Variants in GABRB2 observed in about 807,000 individuals in gnomAD.
GABRB2 encodes gamma-aminobutyric acid receptor subunit beta-2.
GABRB2 carries 16 observed loss-of-function variants against 54.7 expected under a neutral mutation model. That is an observed-to-expected ratio of 0.29 (90% CI 0.20 to 0.44). GABRB2 has a LOEUF of 0.44. Ranked by LOEUF, GABRB2 falls within the 20% of genes least tolerant of loss-of-function variation. GABRB2 has a pLI of 1.00. For missense variants in GABRB2, 355 were observed against 644.0 expected, an observed-to-expected ratio of 0.55 and a Z score of 4.86; for synonymous variants, 244 against 233.8, an observed-to-expected ratio of 1.04 and a Z score of -0.40.
At chr5:161,513,398 G>A (rs547236819) in intron 3 of GABRB2, among the ~76,000 whole-genome samples, 17 of 151,802 alleles carry the variant, frequency 1.1e-4, no homozygotes, top group South Asian at 8.3e-4. Context: ...CATCAACAGC[G>A]GATTCATAAA....
chr5:161,489,612 T>C (rs1194822514), intron 3 of GABRB2, among the ~76,000 whole-genome samples: 2 of 151,630 alleles, frequency 1.3e-5, no homozygotes, highest in Non-Finnish European at 1.5e-5. Context: ...CAGGCTACAT[T>C]GATAAAGGTA....
intron 4 of GABRB2, among the ~76,000 whole-genome samples, chr5:161,449,117 C>T (rs1485473300): frequency 6.6e-6 from 1 of 152,128 alleles, no homozygotes; most frequent in Non-Finnish European, 1.5e-5. Flanking sequence ...TCTCAAGAGT[C>T]TTTTGCATTC....
chr5:161,431,286 T>C (rs1344291524), intron 4 of GABRB2, among the ~76,000 whole-genome samples: 1 of 152,136 alleles, frequency 6.6e-6, no homozygotes, highest in Non-Finnish European at 1.5e-5. Context: ...CTAACCACTC[T>C]TATCATCATT....
At chr5:161,483,565 A>G (rs917615922) in intron 3 of GABRB2, among the ~76,000 whole-genome samples, 4 of 151,964 alleles carry the variant, frequency 2.6e-5, no homozygotes, top group African/African-American at 9.7e-5. Context: ...CAGAATTTAC[A>G]TGAATAACTC....
chr5:161,441,608 T>C (rs933512280), intron 4 of GABRB2, among the ~76,000 whole-genome samples: 7 of 152,314 alleles, frequency 4.6e-5, no homozygotes, highest in Admixed American at 2.0e-4. Context: ...GCTGGGTATA[T>C]ACGCAAAGGA....
intron 5 of GABRB2, among the ~76,000 whole-genome samples, chr5:161,357,373 C>A (rs2113445460): frequency 6.6e-6 from 1 of 152,254 alleles, no homozygotes; most frequent in Middle Eastern, 3.4e-3. Context: ...AGAAATCCAG[C>A]ATGGCTGGAA....
intron 4 of GABRB2, among the ~76,000 whole-genome samples, chr5:161,450,684 G>A (rs537462697): frequency 7.2e-5 from 11 of 152,192 alleles, no homozygotes; most frequent in Admixed American, 5.2e-4. Flanking sequence ...ATTACTTCCC[G>A]CTCTGAGCCT....
intron 8 of GABRB2, 76 bp downstream of exon 8, chr5:161,330,807 A>C (rs1226195617): frequency 1.3e-6 from 2 of 1,588,090 alleles, no homozygotes; most frequent in South Asian, 2.3e-5. Context: ...CATTTGCTCA[A>C]CAAGGTCATC....
chr5:161,470,447 A>G (rs887088598), intron 3 of GABRB2, among the ~76,000 whole-genome samples: 1 of 151,998 alleles, frequency 6.6e-6, no homozygotes, highest in Non-Finnish European at 1.5e-5. Context: ...TAACAACAAC[A>G]ATAATAAAAT....
intron 8 of GABRB2, chr5:161,329,515 C>T (rs1394504897): frequency 2.6e-5 from 4 of 152,130 alleles, no homozygotes; most frequent in African/African-American, 9.7e-5. Context: ...AGAGAAGAGT[C>T]TAAAACCAAA....
At chr5:161,515,003 G>A (rs528458644) in intron 3 of GABRB2, among the ~76,000 whole-genome samples, 87 of 152,168 alleles carry the variant, frequency 5.7e-4, no homozygotes, top group African/African-American at 1.6e-3. Context: ...GCATTCATCC[G>A]TATTTGTCAA....
intron 5 of GABRB2, among the ~76,000 whole-genome samples, chr5:161,341,078 C>T (rs559714129): frequency 4.6e-5 from 7 of 152,014 alleles, no homozygotes; most frequent in East Asian, 1.9e-4. Flanking sequence ...TTTCTGAAGA[C>T]GAAAGAGCAA....
chr5:161,508,746 G>T (rs1435449045), intron 3 of GABRB2, among the ~76,000 whole-genome samples: 2 of 151,978 alleles, frequency 1.3e-5, no homozygotes, highest in African/African-American at 4.8e-5. Flanking sequence ...TGAATGCATA[G>T]CATTTTGCCT....
intron 9 of GABRB2, among the ~76,000 whole-genome samples, chr5:161,314,946 C>T (rs1235600401): frequency 6.6e-6 from 1 of 152,026 alleles, no homozygotes; most frequent in African/African-American, 2.4e-5. Flanking sequence ...TAATCTTTGT[C>T]TTAAGATTGA....
rs760188726 is a variant in GABRB2 at position 161,334,777 on chromosome 5, A to G, written c.807T>C (p.Asp269=). Residue 269 remains aspartate, a synonymous_variant, in exon 7 of 10, where the codon GAT becomes GAC. Coordinates refer to ENST00000393959, the MANE Select transcript of GABRB2 (RefSeq NM_001371727.1). ...CTAATGCCACCCTTGCAGCTGAAGC[A>G]TCGTAATTAATCCAGAAGGAGACCC... The part of the protein sequence containing the change: ...LSWVSFWINY[D]ASAARVALGI... 1 of 1,614,042 alleles carries G rather than the reference A, an allele frequency of 6.2e-7. No individual in the cohort carries two copies. Among genetic ancestry groups the G allele is most frequent in the Middle Eastern group, 1.6e-4 (1 of 6,062 alleles).
chr5:161,455,163 G>T (rs1447055883), intron 4 of GABRB2, among the ~76,000 whole-genome samples: 1 of 152,200 alleles, frequency 6.6e-6, no homozygotes, highest in Admixed American at 6.5e-5. Context: ...CAAAATATGA[G>T]CATGAGTAGA....
intron 3 of GABRB2, among the ~76,000 whole-genome samples, chr5:161,479,841 G>A (rs1315481837): frequency 2.0e-5 from 3 of 152,104 alleles, no homozygotes; most frequent in East Asian, 3.9e-4. Flanking sequence ...ACCCGCCTCA[G>A]CCTCCTAAAG....
chr5:161,407,606 T>TAA (rs1756384798), intron 5 of GABRB2, among the ~76,000 whole-genome samples: 1 of 152,048 alleles, frequency 6.6e-6, no homozygotes, highest in East Asian at 1.9e-4. Flanking sequence ...TGTTGTTGTT[T>TAA]GGTGCTTTTT....
chr5:161,515,696 C>T (rs1485133598), intron 3 of GABRB2, among the ~76,000 whole-genome samples: 1 of 152,024 alleles, frequency 6.6e-6, no homozygotes, highest in Non-Finnish European at 1.5e-5. Context: ...ATGTTAGTAA[C>T]AAAAATAATT....
Sources: gnomAD v4.1 joint callset for allele counts (sites outside exome capture counted in the v4.1 genomes callset) on GRCh38, gnomAD v4.1.1 for gene constraint, MANE v1.5 for transcripts, NCBI Gene and HGNC (gene_info 2026-07-23, HGNC 2026-07-21) for gene names.